The following PPFIBP2 variants were observed in gnomAD, a reference collection of about 807,000 sequenced individuals.
PPFIBP2 encodes the protein liprin-beta-2.
In PPFIBP2, 118 loss-of-function variants were observed where a neutral mutation model predicts 118.3. The observed-to-expected ratio is 1.00, with a 90% CI of 0.86 to 1.16. The LOEUF (loss-of-function observed/expected upper bound fraction) is 1.16. Ranked by LOEUF, PPFIBP2 falls within the 50% of genes most tolerant of loss-of-function variation. The pLI is 0.00. For missense variants in PPFIBP2, 1,195 were observed against 1,073.1 expected (o/e 1.11, Z -1.59); for synonymous variants, 414 against 397.4 (o/e 1.04, Z -0.50).
rs548480544 is a variant in PPFIBP2 at position 7,549,864 on chromosome 11, A to G, written c.64+325A>G. Among the ~76,000 whole-genome samples, 8 of 152,216 alleles carry G rather than the reference A, an allele frequency of 5.3e-5. No homozygotes were observed. The South Asian group carries it at 1.0e-3, about 20-fold the overall frequency. ...TAATGTAAAATTTTCAGAGCTTTTC[A>G]TGGCTTATTATAGCTGATCTGAAAC... On this transcript the variant is annotated intron_variant, in intron 2 of 23. Transcript: ENST00000299492.
Position 7,635,546 on chromosome 11 carries a change from C to G in PPFIBP2, c.1195-6C>G, listed in dbSNP as rs1851340377. 1 of 1,607,910 alleles carries G rather than the reference C, an allele frequency of 6.2e-7. No individual in the cohort carries two copies. Among genetic ancestry groups the G allele is most frequent in the East Asian group, 2.2e-5 (1 of 44,850 alleles). ...ACATAAACGAAATCCTCATGTTACT[C>G]CATAGTGTATGGATGGGAACCAGCC... On this transcript the variant is annotated splice_polypyrimidine_tract_variant and splice_region_variant and intron_variant, in intron 13 of 23. Coordinates refer to ENST00000299492, the MANE Select transcript of PPFIBP2 (RefSeq NM_003621.5).
intron 1 of PPFIBP2, among the ~76,000 whole-genome samples, chr11:7,544,911 T>C (rs1254306162): frequency 6.6e-6 from 1 of 152,174 alleles, no homozygotes; most frequent in African/African-American, 2.4e-5. Flanking sequence ...CTTCTGGAGC[T>C]TGGTGCACTT....
chr11:7,589,379 G>A (rs1008274042), intron 3 of PPFIBP2, among the ~76,000 whole-genome samples: 1 of 152,112 alleles, frequency 6.6e-6, no homozygotes, highest in African/African-American at 2.4e-5. Context: ...AGATCACAAG[G>A]TCAAGAGATT....
At chr11:7,549,875 T>C (rs1415571766) in intron 2 of PPFIBP2, among the ~76,000 whole-genome samples, 1 of 152,178 alleles carries the variant, frequency 6.6e-6, no homozygotes, top group Non-Finnish European at 1.5e-5. Context: ...TGGCTTATTA[T>C]AGCTGATCTG....
intron 6 of PPFIBP2, among the ~76,000 whole-genome samples, chr11:7,612,390 C>T (rs1848171607): frequency 6.6e-6 from 1 of 152,058 alleles, no homozygotes. Context: ...CCAGTCACCG[C>T]AGGGATCTGT....
intron 3 of PPFIBP2, among the ~76,000 whole-genome samples, chr11:7,567,732 A>G (rs1855165251): frequency 6.6e-6 from 1 of 152,042 alleles, no homozygotes. Flanking sequence ...TGGTGAGCAA[A>G]CTCATCAAGT....
rs375233515 is a variant in PPFIBP2, at chr11:7,648,454, C to G, written c.1714C>G (p.Leu572Val). The change falls in exon 18 of 24, where the codon CTG (leucine) becomes GTG (valine). Residue 572 changes from leucine (L) to valine (V), a missense_variant. Leu to Val is a conservative substitution (Grantham distance 32, BLOSUM62 1). Transcript: ENST00000299492. The part of the protein sequence containing the change: ...RVCAWLEDFG[L>V]AQYVIFARQW... ...GTGTGCATGGCTGGAGGACTTTGGC[C>G]TGGCTCAGTATGTGATCTTTGCCAG... The G allele has an allele frequency of 6.2e-7, 1 of 1,614,072 alleles. No individual in the cohort carries two copies. Among genetic ancestry groups the G allele is most frequent in the Admixed American group, 1.7e-5 (1 of 60,020 alleles).
At chr11:7,634,629 G>A in intron 13 of PPFIBP2, 77 bp downstream of exon 13, 1 of 1,091,646 alleles carries the variant, frequency 9.2e-7, no homozygotes, top group Non-Finnish European at 1.4e-6. Flanking sequence ...TATACAGGCA[G>A]GTCCTGGTCC....
chr11:7,536,006 A>T (rs986457593), intron 1 of PPFIBP2, among the ~76,000 whole-genome samples: 4 of 152,244 alleles, frequency 2.6e-5, no homozygotes, highest in African/African-American at 9.6e-5. Context: ...CAAAGAAGGC[A>T]CTAGAGCAAA....
chr11:7,655,505 C>A (rs1015481704), downstream of PPFIBP2: 16 of 1,289,472 alleles, frequency 1.2e-5, no homozygotes, highest in Middle Eastern at 4.2e-4. Flanking sequence ...TACGGTAGGA[C>A]TCTGACCCTC....
At chr11:7,641,325 T>C (rs941398853) in intron 15 of PPFIBP2, among the ~76,000 whole-genome samples, 154 bp from the exon 16 acceptor site, 5 of 152,248 alleles carry the variant, frequency 3.3e-5, no homozygotes, top group African/African-American at 1.2e-4. Context: ...GAGTCCCCAC[T>C]AGTCTCTGGG....
downstream of PPFIBP2, among the ~76,000 whole-genome samples, chr11:7,654,640 G>T (rs970985923): frequency 7.2e-5 from 11 of 152,238 alleles, no homozygotes; most frequent in African/African-American, 2.4e-4. Context: ...CTGGTACCCA[G>T]GTCCACTGGA....
intron 3 of PPFIBP2, among the ~76,000 whole-genome samples, chr11:7,589,192 CTCTT>C (rs1315543164): frequency 2.6e-5 from 4 of 152,172 alleles, no homozygotes; most frequent in Non-Finnish European, 5.9e-5. Context: ...TAAAAATTAG[CTCTT>C]TCTTATATTC....
intron 3 of PPFIBP2, among the ~76,000 whole-genome samples, chr11:7,576,088 G>T (rs1856285103): frequency 6.6e-6 from 1 of 152,244 alleles, no homozygotes; most frequent in Non-Finnish European, 1.5e-5. Context: ...TCTGGCCCTG[G>T]TGGACATTGA....
chr11:7,562,202 C>T (rs1854375841), intron 2 of PPFIBP2, among the ~76,000 whole-genome samples: 1 of 152,242 alleles, frequency 6.6e-6, no homozygotes, highest in Non-Finnish European at 1.5e-5. Flanking sequence ...TCCTAACAGG[C>T]CATGGACTGG....
chr11:7,552,095 A>C (rs1853063796), intron 2 of PPFIBP2, among the ~76,000 whole-genome samples: 1 of 152,222 alleles, frequency 6.6e-6, no homozygotes, highest in Non-Finnish European at 1.5e-5. Context: ...GAGAGAAGGC[A>C]TTCTTTGCAA....
chr11:7,655,634 C>G (rs927931231), downstream of PPFIBP2: 2 of 668,470 alleles, frequency 3.0e-6, no homozygotes, highest in Admixed American at 5.4e-5. Flanking sequence ...ACAGCCTGAG[C>G]CTGAGCCAGC....
downstream of PPFIBP2, among the ~76,000 whole-genome samples, chr11:7,656,288 G>C (rs750445417): frequency 3.9e-5 from 6 of 152,168 alleles, no homozygotes; most frequent in Non-Finnish European, 8.8e-5. Flanking sequence ...TCCCCATCGA[G>C]GCCCCTGTCC....
In PPFIBP2 at chr11:7,616,153, C is replaced by CACAA. The variant is rs2135550518; in HGVS notation, c.619-4778_619-4775dup. On this transcript the variant is annotated intron_variant, in intron 6 of 23. Transcript: ENST00000299492. The surrounding 1 kb of genome is among the most constrained non-coding windows in gnomAD (Gnocchi z 5.2). ...CCATACACACACATACACACGCACA[C>CACAA]ACAAACACCCACACACAGTTATGTT... Among the ~76,000 whole-genome samples the CACAA allele has an allele frequency of 6.6e-6, 1 of 151,982 alleles. No individual in the cohort carries two copies. The highest frequency in any genetic ancestry group is 2.4e-5 in the African/African-American group (1 of 41,262).
Sources: gnomAD v4.1 joint callset for allele counts (sites outside exome capture counted in the v4.1 genomes callset) on GRCh38, gnomAD v4.1.1 for gene constraint, Gnocchi (gnomAD v3.1) non-coding constraint, MANE v1.5 for transcripts, NCBI Gene and HGNC (gene_info 2026-07-23, HGNC 2026-07-21) for gene names.